AGBL4: variants seen among roughly 807,000 people sequenced by gnomAD.
AGBL4 encodes the protein cytosolic carboxypeptidase 6.
AGBL4 carries 58 observed loss-of-function variants against 66.4 expected under a neutral mutation model. The ratio of observed to expected loss-of-function variants is 0.87; its 90% CI spans 0.71 to 1.09. The LOEUF is 1.09. Ranked by LOEUF, AGBL4 falls within the 50% of genes least tolerant of loss-of-function variation. The pLI, the probability that AGBL4 is intolerant of heterozygous loss-of-function variation, is 0.00. For missense variants in AGBL4, 579 were observed against 631.0 expected, an observed-to-expected ratio of 0.92 and a Z score of 0.88; for synonymous variants, 234 against 222.9, an observed-to-expected ratio of 1.05 and a Z score of -0.44.
At chr1:49,142,568 T>C (rs1646139959) in intron 4 of AGBL4, among the ~76,000 whole-genome samples, 1 of 152,226 alleles carries the variant, frequency 6.6e-6, no homozygotes, top group South Asian at 2.1e-4. Context: ...GCATAGCATT[T>C]GGCACATAAA....
At chr1:49,579,707 G>A (rs1195480741) in intron 3 of AGBL4, among the ~76,000 whole-genome samples, 2 of 152,086 alleles carry the variant, frequency 1.3e-5, no homozygotes, top group Non-Finnish European at 2.9e-5. Flanking sequence ...CACCGTGTTG[G>A]CCAGGATGGT....
At chr1:49,424,275 C>T (rs1391804105) in intron 3 of AGBL4, among the ~76,000 whole-genome samples, 2 of 152,136 alleles carry the variant, frequency 1.3e-5, no homozygotes, top group African/African-American at 4.8e-5. Flanking sequence ...TTAAATAGAG[C>T]CAAATTCTTT....
chr1:49,225,208 T>C (rs1313337755), intron 4 of AGBL4, among the ~76,000 whole-genome samples: 1 of 152,236 alleles, frequency 6.6e-6, no homozygotes, highest in Admixed American at 6.5e-5. Context: ...ACCTTCAGTA[T>C]TGAACTCATT....
chr1:49,177,716 T>C (rs1416726030), intron 4 of AGBL4, among the ~76,000 whole-genome samples: 2 of 152,094 alleles, frequency 1.3e-5, no homozygotes, highest in African/African-American at 2.4e-5. Context: ...ATTGATTTCA[T>C]ATTCCCCCTG....
chr1:49,445,169 A>G (rs1646126446), intron 3 of AGBL4, among the ~76,000 whole-genome samples: 2 of 151,878 alleles, frequency 1.3e-5, no homozygotes, highest in African/African-American at 2.4e-5. Context: ...TTCTTTCAGC[A>G]CTTTGAATAC....
chr1:49,381,655 A>G (rs572568881), intron 3 of AGBL4, among the ~76,000 whole-genome samples: 1 of 152,260 alleles, frequency 6.6e-6, no homozygotes, highest in African/African-American at 2.4e-5. Context: ...ACCATGGAAT[A>G]CTATGCAGCC....
intron 3 of AGBL4, among the ~76,000 whole-genome samples, chr1:49,333,586 A>G (rs987033832): frequency 6.6e-6 from 1 of 152,208 alleles, no homozygotes; most frequent in Non-Finnish European, 1.5e-5. Flanking sequence ...TTTTCCTTAG[A>G]TTCGATGGTG....
intron 6 of AGBL4, among the ~76,000 whole-genome samples, chr1:48,701,356 G>A (rs1646797485): frequency 9.6e-6 from 1 of 104,194 alleles, no homozygotes; most frequent in Admixed American, 1.1e-4. Flanking sequence ...CCATAGGCAG[G>A]TGTCTGCCTC....
chr1:49,411,838 A>G (rs1273961354), intron 3 of AGBL4, among the ~76,000 whole-genome samples: 2 of 152,226 alleles, frequency 1.3e-5, no homozygotes, highest in African/African-American at 2.4e-5. Context: ...CTAGAGGGGA[A>G]CACATTGGAA....
At chr1:49,403,319 G>A (rs1645127290) in intron 3 of AGBL4, among the ~76,000 whole-genome samples, 1 of 151,842 alleles carries the variant, frequency 6.6e-6, no homozygotes. Flanking sequence ...TTTTTGGCAT[G>A]GAATATCTTT....
chr1:48,999,754 T>A (rs1661265310), intron 5 of AGBL4, among the ~76,000 whole-genome samples: 1 of 152,060 alleles, frequency 6.6e-6, no homozygotes, highest in Non-Finnish European at 1.5e-5. Context: ...AAACCAAATA[T>A]GATTAAGACT....
At position 49,530,282 on chromosome 1, in the gene AGBL4, A is replaced by AAAAAAAAAAAAAAAAAAAAT. The variant is rs1558025489; in HGVS notation, c.282+167030_282+167031insATTTTTTTTTTTTTTTTTTT. ...TGTAAAAAAAAAAAAACAAAAAAAAACTCTATGAGTTTTTTTTTATTATTA... is the reference window on the plus strand; with the variant it reads ...TGTAAAAAAAAAAAAACAAAAAAAAAAAAAAAAAAAAAAAAAAAATCTCTATGAGTTTTTTTTTATTATTA... On this transcript the variant is annotated intron_variant, in intron 3 of 13. Transcript: ENST00000371839. Among the ~76,000 whole-genome samples the AAAAAAAAAAAAAAAAAAAAT allele has an allele frequency of 3.0e-4, 43 of 145,478 alleles. 4 individuals carry two copies. Among genetic ancestry groups the AAAAAAAAAAAAAAAAAAAAT allele is most frequent in the Admixed American group, 5.5e-4 (8 of 14,644 alleles).
At chr1:48,855,594 A>G (rs1462825536) in intron 6 of AGBL4, among the ~76,000 whole-genome samples, 1 of 152,220 alleles carries the variant, frequency 6.6e-6, no homozygotes, top group Non-Finnish European at 1.5e-5. Flanking sequence ...TAATTCCTTA[A>G]ACATATTAAT....
intron 1 of AGBL4, among the ~76,000 whole-genome samples, chr1:49,931,485 G>A (rs956708168): frequency 1.3e-5 from 2 of 152,106 alleles, no homozygotes; most frequent in Admixed American, 6.6e-5. Context: ...GCAGAAGAGA[G>A]AGAGCAAGAC....
intron 3 of AGBL4, among the ~76,000 whole-genome samples, chr1:49,537,247 C>G (rs1440038369): frequency 6.6e-6 from 1 of 152,072 alleles, no homozygotes; most frequent in Non-Finnish European, 1.5e-5. Context: ...AACAATTTAT[C>G]ACGAAGATCT....
intron 3 of AGBL4, among the ~76,000 whole-genome samples, chr1:49,375,202 T>C (rs1190671354): frequency 6.6e-6 from 1 of 152,126 alleles, no homozygotes; most frequent in Non-Finnish European, 1.5e-5. Context: ...ACATGATACC[T>C]GCCCTTAAGA....
Position 49,642,514 on chromosome 1 carries a change from G to T in AGBL4, c.282+54799C>A, listed in dbSNP as rs181727853. ...TTGAGGGGAAAGAACTACAGAAAAA[G>T]AACTCTGGAGGTCTGGAGGTTTCTC... On this transcript the variant is annotated intron_variant, in intron 3 of 13. Transcript: ENST00000371839. Among the ~76,000 whole-genome samples, 66 of 152,098 alleles carry T rather than the reference G, an allele frequency of 4.3e-4. No individual in the cohort carries two copies. The East Asian group carries it at 0.012, about 27-fold the overall frequency.
intron 3 of AGBL4, among the ~76,000 whole-genome samples, chr1:49,572,321 C>T (rs985345774): frequency 3.3e-5 from 5 of 152,092 alleles, no homozygotes; most frequent in African/African-American, 1.2e-4. Context: ...CTAAGATTTA[C>T]CCATTTTCTC....
intron 4 of AGBL4, among the ~76,000 whole-genome samples, chr1:49,093,035 A>C (rs149975099): frequency 4.7e-4 from 72 of 152,258 alleles, no homozygotes; most frequent in African/African-American, 1.5e-3. Context: ...AATCCTGGAG[A>C]GCCTAGATGG....
Sources: gnomAD v4.1 joint callset for allele counts (sites outside exome capture counted in the v4.1 genomes callset) on GRCh38, gnomAD v4.1.1 for gene constraint, MANE v1.5 for transcripts, NCBI Gene and HGNC (gene_info 2026-07-23, HGNC 2026-07-21) for gene names.